NKAIN2: variants seen among roughly 807,000 people sequenced by gnomAD.
NKAIN2 encodes the protein sodium/potassium transporting ATPase interacting 2.
Under a neutral mutation model 32.6 loss-of-function variants are expected in NKAIN2, and 14 were observed. The ratio of observed to expected loss-of-function variants is 0.43; its 90% CI spans 0.28 to 0.67. The LOEUF (loss-of-function observed/expected upper bound fraction) is 0.67. Ranked by LOEUF, NKAIN2 falls within the 30% of genes least tolerant of loss-of-function variation. The probability of loss-of-function intolerance (pLI) is 0.17; values close to 1 mark genes in which losing one functional copy is unlikely to be tolerated. For missense variants in NKAIN2, 198 were observed against 258.3 expected, an observed-to-expected ratio of 0.77 and a Z score of 1.60; for synonymous variants, 80 against 87.2, an observed-to-expected ratio of 0.92 and a Z score of 0.46.
Position 124,731,385 on chromosome 6 carries a change from A to T in NKAIN2, c.475-59954A>T, listed in dbSNP as rs551557588. On this transcript the variant is annotated intron_variant, in intron 4 of 6. Transcript: ENST00000368417. ...CATGGAATACTATGCAGCCATAAAA[A>T]ATGATGAGTTCATGTCCTTTGTAGG... is the stretch of plus-strand genomic sequence containing the variant. Among the ~76,000 whole-genome samples, 618 of 151,888 alleles carry T rather than the reference A, an allele frequency of 4.1e-3. 2 individuals are homozygous for T. The highest frequency in any genetic ancestry group is 0.01 in the Middle Eastern group (3 of 294).
At chr6:124,381,571 G>C (rs1400635110) in intron 3 of NKAIN2, among the ~76,000 whole-genome samples, 1 of 152,048 alleles carries the variant, frequency 6.6e-6, no homozygotes, top group African/African-American at 2.4e-5. Flanking sequence ...AAACCCCTGG[G>C]ATAGCTTTCC....
intron 1 of NKAIN2, among the ~76,000 whole-genome samples, chr6:124,063,334 T>G (rs1250529060): frequency 6.6e-6 from 1 of 152,162 alleles, no homozygotes; most frequent in Non-Finnish European, 1.5e-5. Flanking sequence ...AAGTACTATG[T>G]TTTATGTCTT....
At position 124,280,976 on chromosome 6, in the gene NKAIN2, G is replaced by T. The variant is rs376701009; in HGVS notation, c.55-2029G>T. 1.7e-4 allele frequency among the ~76,000 whole-genome samples: 26 copies of T among 152,266 alleles called. No individual in the cohort carries two copies. In the East Asian group the frequency reaches 1.9e-3, roughly 11 times the overall value. ...GAAACAATTGGTTGTGCCATAACAA[G>T]AACCCAATAAATGTTGACATAATTT... On this transcript the variant is annotated intron_variant, in intron 1 of 6. Transcript: ENST00000368417.
Position 124,551,573 on chromosome 6 carries a change from C to CA in NKAIN2, c.274-106603dup, listed in dbSNP as rs547691750. On this transcript the variant is annotated intron_variant, in intron 3 of 6. Coordinates refer to ENST00000368417, the MANE Select transcript of NKAIN2 (RefSeq NM_001040214.3). ...ATAATTTCTTAAGCAGTTAAGCAAG[C>CA]AAAAAAAAAATGTCATTACTGCTTT... Among the ~76,000 whole-genome samples, 305 of 146,938 alleles carry CA rather than the reference C, an allele frequency of 2.1e-3. 2 individuals are homozygous for CA. The highest frequency in any genetic ancestry group is 3.5e-3 in the Middle Eastern group (1 of 282).
Position 124,503,729 on chromosome 6 carries a change from G to A in NKAIN2, c.273+148382G>A, listed in dbSNP as rs550284184. Among the ~76,000 whole-genome samples the A allele has an allele frequency of 8.5e-5, 13 of 152,258 alleles. No homozygotes were observed. In the South Asian group the frequency reaches 1.5e-3, roughly 17 times the overall value. On this transcript the variant is annotated intron_variant, in intron 3 of 6. Transcript: ENST00000368417. ...AAGGCACAAAAATAAAACTGACTCA[G>A]TTATTGCCAATGAGCATTTTGCATT...
chr6:124,466,077 A>T (rs1424408993), intron 3 of NKAIN2, among the ~76,000 whole-genome samples: 1 of 151,444 alleles, frequency 6.6e-6, no homozygotes, highest in Non-Finnish European at 1.5e-5. Flanking sequence ...GATCACTGTA[A>T]TGTTTTACAC....
At position 124,511,911 on chromosome 6, in the gene NKAIN2, C is replaced by T. The variant is rs1778729453; in HGVS notation, c.274-146275C>T. Among the ~76,000 whole-genome samples, 5 of 152,224 alleles carry T rather than the reference C, an allele frequency of 3.3e-5. No homozygotes were observed. In the South Asian group the frequency reaches 1.0e-3, roughly 32 times the overall value. ...TGACACACTTATGCACCCTTGCTGA[C>T]CCTCAAAAGGCCTCACCACTTTTGA... On this transcript the variant is annotated intron_variant, in intron 3 of 6. Transcript: ENST00000368417.
intron 1 of NKAIN2, among the ~76,000 whole-genome samples, chr6:124,015,949 T>C (rs542248887): frequency 6.6e-6 from 1 of 152,314 alleles, no homozygotes; most frequent in African/African-American, 2.4e-5. Flanking sequence ...CTCTCCCACA[T>C]GTACAGTCAG....
intron 1 of NKAIN2, among the ~76,000 whole-genome samples, chr6:123,852,645 C>T (rs1394139299): frequency 2.0e-5 from 3 of 151,942 alleles, no homozygotes; most frequent in African/African-American, 2.4e-5. Context: ...ATAAAGAAAA[C>T]GTGGAAAATA....
intron 4 of NKAIN2, among the ~76,000 whole-genome samples, chr6:124,785,626 C>T (rs1779464381): frequency 6.6e-6 from 1 of 152,106 alleles, no homozygotes; most frequent in East Asian, 1.9e-4. Flanking sequence ...ACTTAGCCTC[C>T]ATTGAGACTT....
At position 124,819,349 on chromosome 6, in the gene NKAIN2, T is replaced by C. The variant is rs1434821568; in HGVS notation, c.617+881T>C. On this transcript the variant is annotated intron_variant, in intron 6 of 6. Transcript: ENST00000368417. ...AAGAAATTAATCTTTAAACATCCCCTTTTTAAGCTTCTCTTTAAAAAAAGA... is the reference window on the plus strand; with the variant it reads ...AAGAAATTAATCTTTAAACATCCCCCTTTTAAGCTTCTCTTTAAAAAAAGA... Among the ~76,000 whole-genome samples the C allele has an allele frequency of 2.0e-5, 3 of 152,240 alleles. No homozygotes were observed. The East Asian group carries it at 5.8e-4, about 29-fold the overall frequency.
intron 5 of NKAIN2, among the ~76,000 whole-genome samples, chr6:124,807,135 G>A (rs1459243227): frequency 5.9e-5 from 9 of 151,916 alleles, no homozygotes; most frequent in Admixed American, 3.9e-4. Context: ...TGCACCAAGT[G>A]GACCTAATAG....
chr6:123,921,746 T>C (rs1775764568), intron 1 of NKAIN2, among the ~76,000 whole-genome samples: 1 of 152,206 alleles, frequency 6.6e-6, no homozygotes, highest in Non-Finnish European at 1.5e-5. Context: ...ACATCACTTA[T>C]GAGAAACTCA....
At chr6:124,313,727 G>A (rs537652877) in intron 2 of NKAIN2, among the ~76,000 whole-genome samples, 5 of 152,104 alleles carry the variant, frequency 3.3e-5, no homozygotes, top group South Asian at 2.1e-4. Flanking sequence ...CTGGGTGGCC[G>A]GTTTCCCCAT....
In NKAIN2 at chr6:124,406,706, T is replaced by C. The variant is rs115929877; in HGVS notation, c.273+51359T>C. 7.1e-3 allele frequency among the ~76,000 whole-genome samples: 1,082 copies of C among 152,248 alleles called. 8 individuals are homozygous for C. The highest frequency in any genetic ancestry group is 0.025 in the African/African-American group (1,046 of 41,576). On this transcript the variant is annotated intron_variant, in intron 3 of 6. Transcript: ENST00000368417. The stretch of plus-strand genomic sequence containing the variant: ...CCATTTTACGTTCTTACAAGTAGCA[T>C]ATGAGAATCAGATTTTCTCTGCATC...
intron 3 of NKAIN2, among the ~76,000 whole-genome samples, chr6:124,411,671 C>A (rs934671299): frequency 6.6e-6 from 1 of 152,150 alleles, no homozygotes; most frequent in Admixed American, 6.5e-5. Flanking sequence ...TGGCGTTGCT[C>A]TTCTCGAGGA....
chr6:124,688,896 G>T lies in NKAIN2; in HGVS notation c.474+30510G>T, dbSNP rs138680682. Among the ~76,000 whole-genome samples, 351 of 152,172 alleles carry T rather than the reference G, an allele frequency of 2.3e-3. 4 individuals are homozygous for T. Among genetic ancestry groups the T allele is most frequent in the African/African-American group, 7.9e-3 (330 of 41,532 alleles). On this transcript the variant is annotated intron_variant, in intron 4 of 6. Coordinates refer to ENST00000368417, the MANE Select transcript of NKAIN2 (RefSeq NM_001040214.3). ...TTACCTCCTAAAGAACAACTTGGTT[G>T]CTTCCAAATTTGGGCAATTATGAAT...
At chr6:124,487,890 C>A (rs1313653937) in intron 3 of NKAIN2, among the ~76,000 whole-genome samples, 1 of 152,048 alleles carries the variant, frequency 6.6e-6, no homozygotes, top group Non-Finnish European at 1.5e-5. Flanking sequence ...CTCCTTTATA[C>A]TTTGACACCT....
intron 1 of NKAIN2, among the ~76,000 whole-genome samples, chr6:124,088,990 T>A (rs926952349): frequency 3.3e-5 from 5 of 152,078 alleles, no homozygotes; most frequent in African/African-American, 1.2e-4. Context: ...TTGCAAATAC[T>A]TTATCCTTTT....
Sources: gnomAD v4.1 joint callset for allele counts (sites outside exome capture counted in the v4.1 genomes callset) on GRCh38, gnomAD v4.1.1 for gene constraint, MANE v1.5 for transcripts, NCBI Gene and HGNC (gene_info 2026-07-23, HGNC 2026-07-21) for gene names.